Variants in TRIO observed in about 807,000 individuals in gnomAD.
TRIO encodes the protein triple functional domain protein.
Under a neutral mutation model 351.9 loss-of-function variants are expected in TRIO, and 58 were observed. The observed-to-expected ratio is 0.16, with a 90% CI of 0.13 to 0.21. TRIO has a LOEUF of 0.21. Ranked by LOEUF, TRIO falls within the 10% of genes least tolerant of loss-of-function variation. The probability of loss-of-function intolerance (pLI) is 1.00; values close to 1 mark genes in which losing one functional copy is unlikely to be tolerated. For synonymous variants in TRIO, 1,758 were observed against 1,595.7 expected (o/e 1.10, Z -2.42); for missense variants, 3,201 against 4,027.8 (o/e 0.79, Z 5.56).
intron 34 of TRIO, among the ~76,000 whole-genome samples, chr5:14,437,408 T>A (rs561678423): frequency 6.6e-6 from 1 of 152,348 alleles, no homozygotes; most frequent in Admixed American, 6.5e-5. Flanking sequence ...CATTGGTTTC[T>A]GCGTATTTAT....
At chr5:14,395,545 G>A (rs75019504) in intron 28 of TRIO, among the ~76,000 whole-genome samples, 1,798 of 152,272 alleles carry the variant, frequency 0.012, 42 homozygotes, top group African/African-American at 0.041. Flanking sequence ...CAGTTAGTAG[G>A]CTCAGTACAC....
At chr5:14,446,233 A>T (rs879762028) in intron 34 of TRIO, among the ~76,000 whole-genome samples, 2 of 152,088 alleles carry the variant, frequency 1.3e-5, no homozygotes, top group African/African-American at 4.8e-5. Flanking sequence ...ACTTAACAAC[A>T]GGAAGGTGCG....
intron 27 of TRIO, among the ~76,000 whole-genome samples, chr5:14,391,728 G>C (rs1486998899): frequency 6.6e-6 from 1 of 152,230 alleles, no homozygotes; most frequent in East Asian, 1.9e-4. Context: ...GAGGATGTTG[G>C]ACTTGTTTTC....
At chr5:14,153,240 C>G (rs934957304) in intron 1 of TRIO, among the ~76,000 whole-genome samples, 1 of 152,200 alleles carries the variant, frequency 6.6e-6, no homozygotes, top group Non-Finnish European at 1.5e-5. Context: ...CTTGCCACAC[C>G]CTTGCTATCC....
chr5:14,405,372 G>A (rs550511423), intron 31 of TRIO, among the ~76,000 whole-genome samples: 3 of 152,340 alleles, frequency 2.0e-5, no homozygotes, highest in South Asian at 4.1e-4. Flanking sequence ...CCCTCGGCTA[G>A]GCACAGGGGG....
chr5:14,437,761 C>G (rs1431455535), intron 34 of TRIO, among the ~76,000 whole-genome samples: 1 of 150,856 alleles, frequency 6.6e-6, no homozygotes, highest in African/African-American at 2.5e-5. Context: ...AGTCGCATTC[C>G]AAGGTCCAGG....
intron 33 of TRIO, among the ~76,000 whole-genome samples, chr5:14,412,310 T>G (rs1282623068): frequency 6.6e-6 from 1 of 152,208 alleles, no homozygotes; most frequent in Non-Finnish European, 1.5e-5. Context: ...ATTTTAAAAT[T>G]TAGAAAAGCA....
intron 1 of TRIO, among the ~76,000 whole-genome samples, chr5:14,260,481 C>T (rs187923498): frequency 1.8e-4 from 27 of 152,236 alleles, no homozygotes; most frequent in Non-Finnish European, 3.1e-4. Flanking sequence ...TTTATGAATG[C>T]CAAGCGATTA....
intron 9 of TRIO, among the ~76,000 whole-genome samples, chr5:14,328,346 G>A (rs1651229): frequency 3.9e-5 from 6 of 152,094 alleles, no homozygotes; most frequent in Non-Finnish European, 7.4e-5. Flanking sequence ...CACTGAATAC[G>A]CTTGTTAAAA....
Position 14,316,690 on chromosome 5 carries a change from G to C in TRIO, c.1678G>C (p.Val560Leu), listed in dbSNP as rs746022148. Residue 560 changes from valine to leucine, a missense_variant, in exon 9 of 57, where the codon GTC becomes CTC. By Grantham distance (32) the Val-to-Leu change is conservative. Coordinates refer to ENST00000344204, the MANE Select transcript of TRIO (RefSeq NM_007118.4). ...QLENIWQHRKVRLHQRLQLCV... is the reference protein window; with the variant it reads ...QLENIWQHRKLRLHQRLQLCV... ...GGAGAACATCTGGCAACACCGCAAG[G>C]TCCGGCTGCATCAGAGGCTGCAGCT... The C allele has an allele frequency of 6.2e-7, 1 of 1,614,200 alleles. No homozygotes were observed. Among genetic ancestry groups the C allele is most frequent in the East Asian group, 2.2e-5 (1 of 44,882 alleles).
At chr5:14,257,307 C>A (rs1795078789) in intron 1 of TRIO, among the ~76,000 whole-genome samples, 2 of 152,216 alleles carry the variant, frequency 1.3e-5, no homozygotes, top group Non-Finnish European at 2.9e-5. Flanking sequence ...CTCACCTGTC[C>A]CACCTCCATC....
intron 13 of TRIO, among the ~76,000 whole-genome samples, chr5:14,361,048 C>T (rs1267952050): frequency 6.6e-6 from 1 of 152,196 alleles, no homozygotes; most frequent in East Asian, 1.9e-4. Flanking sequence ...GCCACGCCTA[C>T]TTTCCTCTCT....
chr5:14,324,204 G>GA (rs913986783), intron 9 of TRIO, among the ~76,000 whole-genome samples: 9 of 151,842 alleles, frequency 5.9e-5, no homozygotes, highest in African/African-American at 1.5e-4. Context: ...TTTGCAACTG[G>GA]AAAAAAAATC....
At chr5:14,427,541 A>G (rs1308821113) in intron 34 of TRIO, among the ~76,000 whole-genome samples, 3 of 151,840 alleles carry the variant, frequency 2.0e-5, no homozygotes, top group Admixed American at 6.6e-5. Context: ...CACCCCTCCA[A>G]CCACTTTCCA....
chr5:14,342,966 TC>T (rs1157291517), intron 11 of TRIO, among the ~76,000 whole-genome samples: 2 of 151,914 alleles, frequency 1.3e-5, no homozygotes, highest in African/African-American at 2.4e-5. Flanking sequence ...AAAATCAAAA[TC>T]AAGCCATCTT....
intron 1 of TRIO, among the ~76,000 whole-genome samples, chr5:14,256,228 A>C (rs1316058353): frequency 6.6e-6 from 1 of 151,984 alleles, no homozygotes; most frequent in Non-Finnish European, 1.5e-5. Flanking sequence ...GGGAGGTGCT[A>C]CTCTCTTTGA....
chr5:14,296,188 G>A (rs912019853), intron 6 of TRIO, among the ~76,000 whole-genome samples: 4 of 152,128 alleles, frequency 2.6e-5, no homozygotes, highest in South Asian at 2.1e-4. Context: ...TTGGGGCAAC[G>A]TTGAGAGGAG....
At chr5:14,259,683 A>C (rs959955839) in intron 1 of TRIO, among the ~76,000 whole-genome samples, 1 of 152,230 alleles carries the variant, frequency 6.6e-6, no homozygotes, top group South Asian at 2.1e-4. Flanking sequence ...TGAGCAGTCA[A>C]ATCTTTTTAC....
Position 14,143,665 on chromosome 5 carries a change from G to C in TRIO, c.-61G>C. On this transcript the variant is annotated 5_prime_UTR_variant, in exon 1 of 57. Coordinates refer to ENST00000344204, the MANE Select transcript of TRIO (RefSeq NM_007118.4). ...CCGCCAGGCCCGGCGCGGAGCGGGC[G>C]GCACGCGGCGCTAGGGGCGCGGGGC... 1 of 865,100 alleles carries C rather than the reference G, an allele frequency of 1.2e-6. No homozygotes were observed. Among genetic ancestry groups the C allele is most frequent in the Non-Finnish European group, 1.4e-6 (1 of 723,980 alleles). The allele number at this position is 865,100 out of a possible 1,614,324, so 53.6% of individuals were successfully genotyped here.
Sources: allele counts gnomAD v4.1 joint callset (sites outside exome capture counted in the v4.1 genomes callset), GRCh38; gene constraint gnomAD v4.1.1; transcripts MANE v1.5; gene names NCBI Gene and HGNC (gene_info 2026-07-23, HGNC 2026-07-21).